Variants in GUCY1A2 observed in about 807,000 individuals in gnomAD.
GUCY1A2 encodes the protein guanylate cyclase soluble subunit alpha-2.
GUCY1A2 carries 27 observed loss-of-function variants against 63.5 expected under a neutral mutation model. The observed-to-expected ratio is 0.43, with a 90% CI of 0.31 to 0.59. The LOEUF (loss-of-function observed/expected upper bound fraction) is 0.59, where lower values mean the gene tolerates loss of function less well. GUCY1A2 is among the 20% of genes least tolerant of loss of function. The pLI is 0.11. For missense variants in GUCY1A2, 768 were observed against 913.3 expected (o/e 0.84, Z 2.05); for synonymous variants, 364 against 343.5 (o/e 1.06, Z -0.66).
intron 4 of GUCY1A2, among the ~76,000 whole-genome samples, chr11:106,886,944 A>C (rs975897482): frequency 1.3e-5 from 2 of 152,062 alleles, no homozygotes; most frequent in Admixed American, 6.6e-5. Flanking sequence ...CCTGTACTCC[A>C]GCCTCACCCT....
At chr11:106,723,249 T>C (rs1591248115) in intron 6 of GUCY1A2, among the ~76,000 whole-genome samples, 1 of 152,210 alleles carries the variant, frequency 6.6e-6, no homozygotes, top group East Asian at 1.9e-4. Context: ...ACCCTTCATC[T>C]AGCTGGATAG....
At chr11:106,874,433 T>A (rs2135466543) in intron 4 of GUCY1A2, among the ~76,000 whole-genome samples, 1 of 152,288 alleles carries the variant, frequency 6.6e-6, no homozygotes. Context: ...AGAAAATTTT[T>A]GAATCTTCCC....
In GUCY1A2 at chr11:107,017,816, C is replaced by T. The variant is rs948066457; in HGVS notation, c.240G>A (p.Gln80=). ...AGTCCAGGTTGACCCGCCTCCGGCG[C>T]TGCACCCTCCTGGCCCCGGCAGTGG... ...AAATAGARRV[Q]RRRRVNLDSL... is the part of the protein sequence containing the mutation. The change falls in exon 1 of 8, where the codon CAG becomes CAA. Residue 80 remains glutamine, a synonymous_variant. Coordinates refer to ENST00000526355, the MANE Select transcript of GUCY1A2 (RefSeq NM_000855.3). 7.1e-7 allele frequency: 1 copy of T among 1,409,852 alleles called. No homozygotes were observed. Among genetic ancestry groups the T allele is most frequent in the South Asian group, 1.6e-5 (1 of 62,594 alleles). 87.3% of individuals were successfully genotyped at this position (1,409,852 alleles called of 1,614,324 possible).
In GUCY1A2 at chr11:106,801,970, A is replaced by C. The variant is rs553888365; in HGVS notation, c.1692+8023T>G. Among the ~76,000 whole-genome samples, 14 of 152,336 alleles carry C rather than the reference A, an allele frequency of 9.2e-5. No homozygotes were observed. In the East Asian group the frequency reaches 2.7e-3, roughly 29 times the overall value. On this transcript the variant is annotated intron_variant, in intron 5 of 7. Coordinates refer to ENST00000526355, the MANE Select transcript of GUCY1A2 (RefSeq NM_000855.3). Reference sequence around the variant, plus strand: ...CACAGTTTAAGCACTTAATACTGAGAATACAAGTAAATGTGAATTCTGTTA... The same window carrying C: ...CACAGTTTAAGCACTTAATACTGAGCATACAAGTAAATGTGAATTCTGTTA...
chr11:106,844,419 A>C (rs1859244117), intron 4 of GUCY1A2, among the ~76,000 whole-genome samples: 1 of 151,796 alleles, frequency 6.6e-6, no homozygotes, highest in African/African-American at 2.4e-5. Context: ...AGTATGGATC[A>C]TCAATATTTA....
chr11:106,825,579 T>C (rs1241028571), intron 4 of GUCY1A2, among the ~76,000 whole-genome samples: 2 of 151,950 alleles, frequency 1.3e-5, no homozygotes, highest in African/African-American at 4.8e-5. Context: ...CTATATTTTT[T>C]CTTTTGACAT....
chr11:106,748,454 TCA>T (rs1863828204), intron 6 of GUCY1A2, among the ~76,000 whole-genome samples: 1 of 152,188 alleles, frequency 6.6e-6, no homozygotes, highest in Non-Finnish European at 1.5e-5. Flanking sequence ...ATAGCAGGAA[TCA>T]CAGCAGCTGA....
At chr11:106,959,268 C>T (rs192734878) in intron 3 of GUCY1A2, among the ~76,000 whole-genome samples, 1 of 152,184 alleles carries the variant, frequency 6.6e-6, no homozygotes, top group Admixed American at 6.5e-5. Flanking sequence ...TACATGAATT[C>T]TTTCATTATT....
At chr11:106,856,764 G>T (rs1406987818) in intron 4 of GUCY1A2, among the ~76,000 whole-genome samples, 8 of 152,092 alleles carry the variant, frequency 5.3e-5, no homozygotes. Flanking sequence ...GTGGTGATGT[G>T]TACCCAGTTC....
intron 4 of GUCY1A2, among the ~76,000 whole-genome samples, chr11:106,812,718 TA>T (rs1858778922): frequency 6.6e-6 from 1 of 151,976 alleles, no homozygotes; most frequent in South Asian, 2.1e-4. Context: ...CTCAAAAATG[TA>T]AAATAGCAAA....
chr11:106,978,659 T>A lies in GUCY1A2; in HGVS notation c.447A>T (p.Glu149Asp). The change falls in exon 3 of 8, where the codon GAA becomes GAT. Residue 149 changes from glutamate to aspartate, a missense_variant. Transcript: ENST00000526355. ...TACACTGAAGAATTCCTGAGACATC[T>A]TCAATTTCTTCTTTGTTGGAGTGGT... The part of the protein sequence containing the change: ...YADHSNKEEI[E>D]DVSGILQCTA... 1 of 1,560,780 alleles carries A rather than the reference T, an allele frequency of 6.4e-7. No individual in the cohort carries two copies. Among genetic ancestry groups the A allele is most frequent in the African/African-American group, 1.4e-5 (1 of 73,974 alleles).
chr11:107,000,894 A>G (rs568954003), intron 1 of GUCY1A2, among the ~76,000 whole-genome samples: 1 of 152,228 alleles, frequency 6.6e-6, no homozygotes, highest in South Asian at 2.1e-4. Context: ...AAGAAATGAA[A>G]TTGGAAGAAG....
In GUCY1A2 at chr11:107,018,160, G is replaced by C; in HGVS notation, c.-105C>G. On this transcript the variant is annotated 5_prime_UTR_variant, in exon 1 of 8. Transcript: ENST00000526355. ...CAAGCGACAACGTTAAGCGCGTCGG[G>C]GCCGCGGGGCGCTGCGGTCGCGCCC... The C allele has an allele frequency of 1.7e-6, 1 of 584,568 alleles. No homozygotes were observed. Among genetic ancestry groups the C allele is most frequent in the Non-Finnish European group, 2.4e-6 (1 of 415,796 alleles). 36.2% of individuals were successfully genotyped at this position (584,568 alleles called of 1,614,324 possible). A position where few individuals can be genotyped will look rare whatever the true frequency, so the allele number is the denominator to read the frequency against.
chr11:106,794,433 C>CTGACT, intron 5 of GUCY1A2, among the ~76,000 whole-genome samples: 1 of 152,074 alleles, frequency 6.6e-6, no homozygotes, highest in South Asian at 2.1e-4. Flanking sequence ...GCATGCTGAC[C>CTGACT]ATAGTAACTA....
rs150392304 is a variant in GUCY1A2 at position 107,014,378 on chromosome 11, C to T, written c.303+3375G>A. ...CTGGGATTACAGGCATGAGCCACCA[C>T]GCCTGGCCCATGTTTCCCTTTCATA... On this transcript the variant is annotated intron_variant, in intron 1 of 7. Transcript: ENST00000526355. 5.6e-3 allele frequency among the ~76,000 whole-genome samples: 853 copies of T among 152,204 alleles called. 2 individuals carry two copies. Among genetic ancestry groups the T allele is most frequent in the Middle Eastern group, 0.01 (3 of 294 alleles).
At chr11:106,738,520 T>G (rs1313433981) in intron 6 of GUCY1A2, among the ~76,000 whole-genome samples, 1 of 152,204 alleles carries the variant, frequency 6.6e-6, no homozygotes, top group African/African-American at 2.4e-5. Flanking sequence ...TTTTTATGGT[T>G]TTAGGTCTTA....
intron 4 of GUCY1A2, among the ~76,000 whole-genome samples, chr11:106,828,161 G>T (rs1431120216): frequency 6.6e-6 from 1 of 151,686 alleles, no homozygotes; most frequent in African/African-American, 2.4e-5. Flanking sequence ...TCTGTTTGTT[G>T]ATTTTTTTCT....
chr11:107,015,533 T>C (rs1861808441), intron 1 of GUCY1A2, among the ~76,000 whole-genome samples: 1 of 120,926 alleles, frequency 8.3e-6, no homozygotes. Context: ...TTGACATTAC[T>C]TTTTAGAAAT....
Position 106,805,468 on chromosome 11 carries a change from A to G in GUCY1A2, c.1692+4525T>C, listed in dbSNP as rs907321858. Among the ~76,000 whole-genome samples, 7 of 151,788 alleles carry G rather than the reference A, an allele frequency of 4.6e-5. No homozygotes were observed. In the East Asian group the frequency reaches 1.4e-3, roughly 29 times the overall value. On this transcript the variant is annotated intron_variant, in intron 5 of 7. Transcript: ENST00000526355. The stretch of plus-strand genomic sequence containing the variant: ...ACCAGGTTGGCCAGGCTGGTCTCGA[A>G]CTCCTGACCTCAGGTGATCCACCCA...
Sources: gnomAD v4.1 joint callset for allele counts (sites outside exome capture counted in the v4.1 genomes callset) on GRCh38, gnomAD v4.1.1 for gene constraint, MANE v1.5 for transcripts, NCBI Gene and HGNC (gene_info 2026-07-23, HGNC 2026-07-21) for gene names.